The following PKHD1 variants were observed in gnomAD, a reference collection of about 807,000 sequenced individuals.
PKHD1 encodes fibrocystin.
PKHD1 carries 291 observed loss-of-function variants against 412.0 expected under a neutral mutation model. The ratio of observed to expected loss-of-function variants is 0.71; its 90% CI spans 0.64 to 0.78. PKHD1 has a LOEUF of 0.78. Ranked by LOEUF, PKHD1 falls within the 30% of genes least tolerant of loss-of-function variation. The pLI is 0.00. For missense variants in PKHD1, 4,825 were observed against 4,950.7 expected, an observed-to-expected ratio of 0.97 and a Z score of 0.76; for synonymous variants, 1,777 against 1,821.5, an observed-to-expected ratio of 0.98 and a Z score of 0.62.
At chr6:51,844,660 G>T (rs1427559407) in intron 50 of PKHD1, among the ~76,000 whole-genome samples, 2 of 152,136 alleles carry the variant, frequency 1.3e-5, no homozygotes, top group Admixed American at 1.3e-4. Context: ...CAGAGGAAAT[G>T]AAGATAATTG....
rs369056485 is a variant in PKHD1 at position 51,790,068 on chromosome 6, T to C, written c.8440+1168A>G. ...ATTTTTACAGTAACTTAACCTTTGT[T>C]CAGGTAATTAGACCTAGAATTTTCT... On this transcript the variant is annotated intron_variant, in intron 53 of 66. Transcript: ENST00000371117. Among the ~76,000 whole-genome samples, 6 of 152,338 alleles carry C rather than the reference T, an allele frequency of 3.9e-5. No individual in the cohort carries two copies. In the South Asian group the frequency reaches 6.2e-4, roughly 16 times the overall value.
chr6:51,925,794 C>T lies in PKHD1; in HGVS notation c.6121+8316G>A, dbSNP rs947865466. ...TCTCTCCCTCCTTCTCTCTCCCTTC[C>T]TCTCTCTCTTTTTATCTCTCTCTCT... On this transcript the variant is annotated intron_variant, in intron 37 of 66. Coordinates refer to ENST00000371117, the MANE Select transcript of PKHD1 (RefSeq NM_138694.4). 7.9e-5 allele frequency among the ~76,000 whole-genome samples: 12 copies of T among 151,214 alleles called. 1 individual carries two copies. The highest frequency in any genetic ancestry group is 2.4e-4 in the African/African-American group (10 of 41,336).
At chr6:52,072,230 T>G (rs1405615583) in intron 7 of PKHD1, 41 bp from the exon 8 acceptor site, 2 of 1,197,474 alleles carry the variant, frequency 1.7e-6, no homozygotes, top group East Asian at 4.7e-5. Flanking sequence ...CAAGAGATAA[T>G]TGTGCAATAC....
chr6:51,651,630 T>C (rs1311570101), intron 61 of PKHD1, among the ~76,000 whole-genome samples: 1 of 152,140 alleles, frequency 6.6e-6, no homozygotes, highest in Non-Finnish European at 1.5e-5. Context: ...TTGCATTTAA[T>C]ATGGACACCC....
chr6:51,922,237 G>T (rs186142526), intron 37 of PKHD1, among the ~76,000 whole-genome samples: 1,531 of 152,292 alleles, frequency 0.01, 29 homozygotes, highest in African/African-American at 0.034. Flanking sequence ...GACCCTGTTT[G>T]CCTGGGTATC....
chr6:51,730,030 T>C (rs144627579), intron 60 of PKHD1, among the ~76,000 whole-genome samples: 385 of 152,308 alleles, frequency 2.5e-3, no homozygotes, highest in Middle Eastern at 6.8e-3. Flanking sequence ...TGTTTATTGA[T>C]ATTTGTTTCA....
chr6:52,012,352 G>T (rs1488253454), intron 34 of PKHD1, among the ~76,000 whole-genome samples: 1 of 152,204 alleles, frequency 6.6e-6, no homozygotes, highest in African/African-American at 2.4e-5. Flanking sequence ...TGTTAAAAAT[G>T]TAAATGTGGA....
chr6:51,852,229 C>T (rs1772403826), intron 49 of PKHD1, among the ~76,000 whole-genome samples: 1 of 152,074 alleles, frequency 6.6e-6, no homozygotes, highest in African/African-American at 2.4e-5. Context: ...GTTTCTTAAT[C>T]CTGAGTTATA....
Position 51,744,414 on chromosome 6 carries a change from GC to G in PKHD1, c.10126del (p.Ala3376GlnfsTer24), listed in dbSNP as rs1334145215. 6.2e-7 allele frequency: 1 copy of G among 1,613,754 alleles called. No individual in the cohort carries two copies. Among genetic ancestry groups the G allele is most frequent in the Non-Finnish European group, 8.5e-7 (1 of 1,179,786 alleles). On this transcript the variant is annotated frameshift_variant, in exon 60 of 67. Transcript: ENST00000371117. LOFTEE classifies it high-confidence loss of function. ...PPVSVFPKTE[A>X]EWTASFFNAG... ...GTTGAAGAAGGATGCAGTCCATTCTGCCTCTGTTTTAGGAAATACAGAAACT... is the reference window on the plus strand; with the variant it reads ...GTTGAAGAAGGATGCAGTCCATTCTGCTCTGTTTTAGGAAATACAGAAACT...
chr6:52,026,115 A>G lies in PKHD1; in HGVS notation c.3695T>C (p.Val1232Ala). Residue 1232 changes from valine (V) to alanine (A), a missense_variant, in exon 32 of 67, where the codon GTG (valine) becomes GCG (alanine). Transcript: ENST00000371117. The stretch of plus-strand genomic sequence containing the variant: ...CACAATGTCACAGGACCGATTGCCC[A>G]CAAGTACCCAAACCAAAGCTGGGTC... Reference protein sequence around the residue: ...SRDPALVWVLVGNRSCDIVNL... With the variant: ...SRDPALVWVLAGNRSCDIVNL... The G allele has an allele frequency of 6.2e-7, 1 of 1,614,178 alleles. No individual in the cohort carries two copies. Among genetic ancestry groups the G allele is most frequent in the Non-Finnish European group, 8.5e-7 (1 of 1,180,024 alleles).
chr6:51,783,399 T>TTTATTTTATATTATTTAAATAATAC (rs1562301108), intron 53 of PKHD1, among the ~76,000 whole-genome samples: 1 of 146,352 alleles, frequency 6.8e-6, no homozygotes, highest in East Asian at 2.0e-4. Context: ...TTAAATACTA[T>TTTATTTTATATTATTTAAATAATAC]ATTTATTTTA....
rs759314898 is a variant in PKHD1 at position 51,885,910 on chromosome 6, A to G, written c.7172T>C (p.Leu2391Pro). Residue 2391 changes from leucine to proline, a missense_variant, in exon 45 of 67, where the codon CTG becomes CCG. Leu to Pro is a moderately conservative substitution (Grantham distance 98). Coordinates refer to ENST00000371117, the MANE Select transcript of PKHD1 (RefSeq NM_138694.4). ...PPWDNVTGTT[L>P]FQSFTVWESA... Reference sequence around the variant, plus strand: ...TTCCCAAACTGTGAAGCTCTGGAACAGAGTGGTGCCAGTGACATTATCCCA... The same window carrying G: ...TTCCCAAACTGTGAAGCTCTGGAACGGAGTGGTGCCAGTGACATTATCCCA... 3 of 1,613,574 alleles carry G rather than the reference A, an allele frequency of 1.9e-6. No individual in the cohort carries two copies. Among genetic ancestry groups the G allele is most frequent in the Non-Finnish European group, 1.7e-6 (2 of 1,179,588 alleles).
At chr6:51,811,190 T>G (rs1279001223) in intron 52 of PKHD1, among the ~76,000 whole-genome samples, 1 of 152,188 alleles carries the variant, frequency 6.6e-6, no homozygotes, top group Non-Finnish European at 1.5e-5. Flanking sequence ...AGGTATGTTT[T>G]GCATTTTTAA....
chr6:51,923,555 A>G (rs942014900), intron 37 of PKHD1, among the ~76,000 whole-genome samples: 1 of 152,104 alleles, frequency 6.6e-6, no homozygotes, highest in African/African-American at 2.4e-5. Context: ...AAAAACAAGT[A>G]GGTAAATTTT....
At chr6:51,846,681 C>T (rs1047368866) in intron 50 of PKHD1, among the ~76,000 whole-genome samples, 12 of 152,242 alleles carry the variant, frequency 7.9e-5, no homozygotes, top group Admixed American at 1.3e-4. Flanking sequence ...TAAGGAAAAA[C>T]CTTTGGCCTC....
At chr6:52,059,590 A>G (rs2128214851) in intron 15 of PKHD1, among the ~76,000 whole-genome samples, 1 of 152,198 alleles carries the variant, frequency 6.6e-6, no homozygotes, top group Middle Eastern at 3.4e-3. Flanking sequence ...TGTGGAAAAG[A>G]TACATACATA....
chr6:52,025,941 C>T lies in PKHD1; in HGVS notation c.3869G>A (p.Gly1290Asp), dbSNP rs1265113009. The T allele has an allele frequency of 6.2e-7, 1 of 1,614,010 alleles. No individual in the cohort carries two copies. The highest frequency in any genetic ancestry group is 2.2e-5 in the East Asian group (1 of 44,896). Residue 1290 changes from glycine to aspartate, a missense_variant, in exon 32 of 67, where the codon GGC becomes GAC. Coordinates refer to ENST00000371117, the MANE Select transcript of PKHD1 (RefSeq NM_138694.4). ...RGPSPSLVGK[G>D]FTFMYEAAAT... is the part of the protein sequence containing the mutation. ...TGCCGCTTCATACATGAAGGTGAAG[C>T]CTTTCCCCACCAAGCTTGGTGAAGG...
intron 21 of PKHD1, 52 bp downstream of exon 21, chr6:52,053,024 T>A (rs916219508): frequency 2.0e-5 from 31 of 1,565,888 alleles, no homozygotes; most frequent in Non-Finnish European, 2.6e-5. Flanking sequence ...AGCAGGAAAG[T>A]TTGAGGTAGG....
intron 41 of PKHD1, among the ~76,000 whole-genome samples, chr6:51,905,358 C>A (rs147886849): frequency 0.011 from 1,741 of 152,094 alleles, 25 homozygotes; most frequent in Non-Finnish European, 0.017. Flanking sequence ...AATCAGATGA[C>A]CAGAAATGTG....
Sources: gnomAD v4.1 joint callset for allele counts (sites outside exome capture counted in the v4.1 genomes callset) on GRCh38, gnomAD v4.1.1 for gene constraint, MANE v1.5 for transcripts, NCBI Gene and HGNC (gene_info 2026-07-23, HGNC 2026-07-21) for gene names.